Variants in SCFD2 observed in about 807,000 individuals in gnomAD.
SCFD2 encodes sec1 family domain-containing protein 2.
SCFD2 carries 54 observed loss-of-function variants against 58.9 expected under a neutral mutation model. The ratio of observed to expected loss-of-function variants is 0.92; its 90% CI spans 0.74 to 1.15. The LOEUF (loss-of-function observed/expected upper bound fraction) is 1.15, where lower values mean the gene tolerates loss of function less well. Ranked by LOEUF, SCFD2 falls within the 50% of genes most tolerant of loss-of-function variation. The probability of loss-of-function intolerance (pLI) is 0.00; values close to 1 mark genes in which losing one functional copy is unlikely to be tolerated. For synonymous variants in SCFD2, 321 were observed against 335.9 expected, an observed-to-expected ratio of 0.96 and a Z score of 0.49; for missense variants, 805 against 836.6, an observed-to-expected ratio of 0.96 and a Z score of 0.47.
At chr4:53,085,723 CA>C (rs1724286658) in intron 5 of SCFD2, among the ~76,000 whole-genome samples, 2 of 152,042 alleles carry the variant, frequency 1.3e-5, no homozygotes, top group African/African-American at 4.8e-5. Flanking sequence ...AATCCAGAAA[CA>C]AATCCATACA....
intron 4 of SCFD2, among the ~76,000 whole-genome samples, chr4:53,231,177 T>A (rs183877090): frequency 3.9e-3 from 587 of 151,456 alleles, no homozygotes; most frequent in Non-Finnish European, 5.8e-3. Context: ...ACTAGTTTTT[T>A]AAAAAAAAAC....
chr4:53,140,868 T>G (rs771040407), intron 5 of SCFD2, among the ~76,000 whole-genome samples: 4 of 152,154 alleles, frequency 2.6e-5, no homozygotes, highest in Non-Finnish European at 5.9e-5. Context: ...GGCTCTACTG[T>G]TTATCAGTTG....
chr4:53,331,523 C>A (rs972412932), intron 2 of SCFD2, among the ~76,000 whole-genome samples: 56 of 152,162 alleles, frequency 3.7e-4, no homozygotes, highest in Non-Finnish European at 5.3e-4. Context: ...ATGAAGGCAG[C>A]AATAAAGATG....
chr4:53,348,434 A>C (rs1456300496), intron 2 of SCFD2, among the ~76,000 whole-genome samples: 1 of 152,208 alleles, frequency 6.6e-6, no homozygotes, highest in Non-Finnish European at 1.5e-5. Flanking sequence ...TTGTTTTGAT[A>C]GACATATAAA....
intron 2 of SCFD2, among the ~76,000 whole-genome samples, chr4:53,347,283 C>A (rs1189540622): frequency 1.3e-5 from 2 of 152,172 alleles, no homozygotes; most frequent in Non-Finnish European, 2.9e-5. Flanking sequence ...AGTCAAGTAG[C>A]CTCACTTCAC....
intron 5 of SCFD2, among the ~76,000 whole-genome samples, chr4:53,047,665 C>T (rs1164541799): frequency 6.6e-6 from 1 of 152,198 alleles, no homozygotes; most frequent in Non-Finnish European, 1.5e-5. Context: ...TTCAGAATGA[C>T]TTTACTCTTT....
intron 4 of SCFD2, among the ~76,000 whole-genome samples, chr4:53,217,120 C>A (rs1406945637): frequency 1.3e-5 from 2 of 152,148 alleles, no homozygotes; most frequent in East Asian, 3.8e-4. Flanking sequence ...AATGTATATT[C>A]TGTTGATTTG....
At chr4:53,250,896 G>C (rs1050083108) in intron 4 of SCFD2, among the ~76,000 whole-genome samples, 34 of 152,106 alleles carry the variant, frequency 2.2e-4, no homozygotes, top group African/African-American at 8.0e-4. Context: ...ACTAAGATCA[G>C]AGCAGAACTG....
At chr4:52,996,348 T>TCC (rs1721741200) in intron 5 of SCFD2, among the ~76,000 whole-genome samples, 2 of 152,046 alleles carry the variant, frequency 1.3e-5, no homozygotes, top group Admixed American at 6.6e-5. Flanking sequence ...CCAGCTGGAG[T>TCC]GGAGTCGCCT....
chr4:53,314,099 T>C (rs185184986), intron 2 of SCFD2, among the ~76,000 whole-genome samples: 525 of 152,312 alleles, frequency 3.4e-3, no homozygotes, highest in African/African-American at 0.012. Context: ...GTAATATAAA[T>C]GTTATATAAG....
intron 4 of SCFD2, among the ~76,000 whole-genome samples, chr4:53,199,987 A>G (rs2148966260): frequency 6.7e-6 from 1 of 149,952 alleles, no homozygotes. Flanking sequence ...AGAGAGAGAG[A>G]ATGCAAGTTC....
intron 5 of SCFD2, among the ~76,000 whole-genome samples, chr4:53,058,897 G>C (rs1005492071): frequency 2.0e-5 from 3 of 152,070 alleles, no homozygotes; most frequent in Non-Finnish European, 4.4e-5. Flanking sequence ...AAGATAAAAC[G>C]AGCCTTTTGG....
At chr4:53,250,637 A>T (rs1730328724) in intron 4 of SCFD2, among the ~76,000 whole-genome samples, 1 of 152,260 alleles carries the variant, frequency 6.6e-6, no homozygotes, top group South Asian at 2.1e-4. Flanking sequence ...GCTGCTCCTG[A>T]ATGAATACTG....
At chr4:53,306,745 A>C (rs1199961973) in intron 3 of SCFD2, among the ~76,000 whole-genome samples, 1 of 152,246 alleles carries the variant, frequency 6.6e-6, no homozygotes, top group Non-Finnish European at 1.5e-5. Flanking sequence ...ATCCATAAAA[A>C]GAGCTGTGTG....
chr4:53,164,243 T>A (rs1258218554), intron 4 of SCFD2, among the ~76,000 whole-genome samples: 2 of 152,142 alleles, frequency 1.3e-5, no homozygotes, highest in Admixed American at 1.3e-4. Context: ...CCTCTAAAGA[T>A]TCACCTGCCC....
intron 4 of SCFD2, among the ~76,000 whole-genome samples, chr4:53,239,415 G>GGAGAGA (rs1729814902): frequency 7.1e-6 from 1 of 141,592 alleles, no homozygotes; most frequent in South Asian, 2.5e-4. Flanking sequence ...AGAGGGAGAG[G>GGAGAGA]GAGAGGAGGG....
intron 4 of SCFD2, among the ~76,000 whole-genome samples, chr4:53,248,611 G>C (rs918974405): frequency 1.3e-5 from 2 of 152,210 alleles, no homozygotes; most frequent in African/African-American, 4.8e-5. Context: ...GTGGGTCCCT[G>C]ACCCCTGACC....
At chr4:53,358,408 C>T (rs1317986449) in intron 1 of SCFD2, among the ~76,000 whole-genome samples, 2 of 151,828 alleles carry the variant, frequency 1.3e-5, no homozygotes, top group South Asian at 2.1e-4. Context: ...ATTAGCTGGG[C>T]GTGGTGGTGG....
intron 2 of SCFD2, among the ~76,000 whole-genome samples, chr4:53,319,967 G>A (rs184791859): frequency 3.3e-5 from 5 of 152,310 alleles, no homozygotes; most frequent in Non-Finnish European, 5.9e-5. Flanking sequence ...GGCTGCTTCT[G>A]TAACTTGGTT....
Sources: allele counts gnomAD v4.1 joint callset (sites outside exome capture counted in the v4.1 genomes callset), GRCh38; gene constraint gnomAD v4.1.1; transcripts MANE v1.5; gene names NCBI Gene and HGNC (gene_info 2026-07-23, HGNC 2026-07-21).